BMAL1: variants seen among roughly 807,000 people sequenced by gnomAD.
BMAL1 encodes basic helix-loop-helix ARNT-like protein 1.
chr11:13,324,078 G>A, the BMAL1 span, among the ~76,000 whole-genome samples: 52 of 152,272 alleles, frequency 3.4e-4, no homozygotes, highest in Non-Finnish European at 6.8e-4. Flanking sequence ...TGTCCTGGAA[G>A]CCACCACTGC....
the BMAL1 span, among the ~76,000 whole-genome samples, chr11:13,383,898 A>G: frequency 6.6e-6 from 1 of 151,966 alleles, no homozygotes; most frequent in Non-Finnish European, 1.5e-5. Context: ...GGGAGGGAAA[A>G]TGTCCATCAT....
At chr11:13,283,167 G>T in the BMAL1 span, among the ~76,000 whole-genome samples, 1 of 152,134 alleles carries the variant, frequency 6.6e-6, no homozygotes, top group Non-Finnish European at 1.5e-5. Context: ...ATCTAGCCTG[G>T]TTAAAGAAGG....
At chr11:13,324,761 G>A in the BMAL1 span, among the ~76,000 whole-genome samples, 3 of 152,232 alleles carry the variant, frequency 2.0e-5, no homozygotes, top group Non-Finnish European at 2.9e-5. Context: ...CCTGAAACAC[G>A]AGGTGGGTGG....
chr11:13,277,842 G>C, the BMAL1 span: 1 of 152,290 alleles, frequency 6.6e-6, no homozygotes, highest in Admixed American at 6.6e-5. Flanking sequence ...GGAGGTGCCT[G>C]TTTACCCGCG....
the BMAL1 span, among the ~76,000 whole-genome samples, chr11:13,369,202 C>T: frequency 6.6e-6 from 1 of 152,236 alleles, no homozygotes; most frequent in African/African-American, 2.4e-5. Flanking sequence ...ACCCATCCTT[C>T]AGTGCCAGCC....
chr11:13,314,271 A>ACACACACACACACACT, the BMAL1 span, among the ~76,000 whole-genome samples: 6 of 146,384 alleles, frequency 4.1e-5, no homozygotes, highest in Non-Finnish European at 9.0e-5. Context: ...ACACACACAC[A>ACACACACACACACACT]CTCTGTCTCT....
the BMAL1 span, among the ~76,000 whole-genome samples, chr11:13,305,066 C>T: frequency 1.3e-5 from 2 of 152,198 alleles, no homozygotes; most frequent in Non-Finnish European, 2.9e-5. Context: ...TTCCCACGTA[C>T]TTCCTTGGCA....
At chr11:13,281,040 G>A in the BMAL1 span, among the ~76,000 whole-genome samples, 1 of 152,164 alleles carries the variant, frequency 6.6e-6, no homozygotes, top group Non-Finnish European at 1.5e-5. Flanking sequence ...TGCCTGCCTC[G>A]TGGAGTCTGT....
the BMAL1 span, among the ~76,000 whole-genome samples, chr11:13,344,938 TC>T: frequency 6.6e-6 from 1 of 152,216 alleles, no homozygotes; most frequent in African/African-American, 2.4e-5. Flanking sequence ...CAGGGCCAGC[TC>T]CCTGTAGGTA....
the BMAL1 span, chr11:13,376,810 G>A: frequency 7.5e-7 from 1 of 1,332,426 alleles, no homozygotes; most frequent in African/African-American, 1.5e-5. Flanking sequence ...AGTATTCAGG[G>A]TCCCCTCCAT....
chr11:13,375,831 A>G, the BMAL1 span: 1 of 1,437,954 alleles, frequency 7.0e-7, no homozygotes, highest in Non-Finnish European at 9.2e-7. Context: ...TCATCTGGGA[A>G]ATGGGGTGCA....
At chr11:13,335,776 A>G in the BMAL1 span, among the ~76,000 whole-genome samples, 3 of 152,222 alleles carry the variant, frequency 2.0e-5, no homozygotes, top group Non-Finnish European at 1.5e-5. Context: ...TATATCTTTC[A>G]TGATGTTTTC....
At chr11:13,317,150 A>AT in the BMAL1 span, among the ~76,000 whole-genome samples, 1 of 152,232 alleles carries the variant, frequency 6.6e-6, no homozygotes, top group South Asian at 2.1e-4. Context: ...TCAAAGTATT[A>AT]TTGTTAATAA....
chr11:13,369,467 C>G, the BMAL1 span: 1 of 840,526 alleles, frequency 1.2e-6, no homozygotes, highest in Non-Finnish European at 1.9e-6. Context: ...CATGCTGCAT[C>G]TGTTAAAGCC....
At chr11:13,306,670 G>A in the BMAL1 span, among the ~76,000 whole-genome samples, 1 of 152,242 alleles carries the variant, frequency 6.6e-6, no homozygotes, top group African/African-American at 2.4e-5. Context: ...CTGGGCAGAG[G>A]AAACAACGTG....
chr11:13,294,400 T>A, the BMAL1 span, among the ~76,000 whole-genome samples: 4 of 13,554 alleles, frequency 3.0e-4, no homozygotes, highest in African/African-American at 5.3e-4. Flanking sequence ...GGTTTCCTAT[T>A]TTTCAACGAG....
chr11:13,351,116 T>G, the BMAL1 span, among the ~76,000 whole-genome samples: 2,106 of 152,250 alleles, frequency 0.014, 43 homozygotes, highest in African/African-American at 0.048. Context: ...AAACATTACG[T>G]AGGTGGCTGG....
the BMAL1 span, chr11:13,366,885 G>A: frequency 4.1e-6 from 3 of 737,510 alleles, no homozygotes; most frequent in Non-Finnish European, 6.6e-6. Flanking sequence ...AGCCTTTCCA[G>A]TCCTACTTCT....
chr11:13,356,644 G>A, the BMAL1 span: 2 of 1,440,210 alleles, frequency 1.4e-6, no homozygotes, highest in African/African-American at 2.9e-5. Context: ...ATGATTGTTT[G>A]GTTTCTGGAT....
Sources: gnomAD v4.1 joint callset for allele counts (sites outside exome capture counted in the v4.1 genomes callset) on GRCh38, gnomAD v4.1.1 for gene constraint, MANE v1.5 for transcripts, NCBI Gene and HGNC (gene_info 2026-07-23, HGNC 2026-07-21) for gene names.